Variants in TMCO2 observed in about 807,000 individuals in gnomAD.
The protein encoded by TMCO2 is transmembrane and coiled-coil domains 2, also known as transmembrane and coiled-coil domain-containing protein 2.
Under a neutral mutation model 18.0 loss-of-function variants are expected in TMCO2, and 15 were observed. The observed-to-expected ratio is 0.84, with a 90% confidence interval of 0.56 to 1.29. The LOEUF (loss-of-function observed/expected upper bound fraction) is 1.29, where lower values mean the gene tolerates loss of function less well. Among genes scored for constraint, TMCO2 ranks in the 50% most tolerant of loss-of-function variants. The pLI, the probability that TMCO2 is intolerant of heterozygous loss-of-function variation, is 0.00. For synonymous variants in TMCO2, 79 were observed against 75.9 expected, an observed-to-expected ratio of 1.04 and a Z score of -0.21; for missense variants, 182 against 200.9, an observed-to-expected ratio of 0.91 and a Z score of 0.57.
Position 40,248,130 on chromosome 1 carries a change from A to T in TMCO2, c.137A>T (p.Asn46Ile). The T allele has an allele frequency of 1.2e-6, 2 of 1,614,196 alleles. No individual in the cohort carries two copies. Among genetic ancestry groups the T allele is most frequent in the Middle Eastern group, 1.6e-4 (1 of 6,062 alleles). The change falls in exon 1 of 2, where the codon AAT becomes ATT. Residue 46 changes from asparagine to isoleucine, a missense_variant. Coordinates refer to ENST00000372766, the MANE Select transcript of TMCO2 (RefSeq NM_001008740.4). Reference sequence around the variant, plus strand: ...CAAACAAGTTTGGGACTATTAGATAATCTTGCTCCAGCTGTGCAAATCATC... The same window carrying T: ...CAAACAAGTTTGGGACTATTAGATATTCTTGCTCCAGCTGTGCAAATCATC... The part of the protein sequence containing the change: ...PQQTSLGLLD[N>I]LAPAVQIILR...
intron 1 of TMCO2, 96 bp downstream of exon 1, chr1:40,248,326 AT>A: frequency 1.9e-6 from 2 of 1,079,420 alleles, no homozygotes; most frequent in Non-Finnish European, 2.7e-6. Context: ...GATCATGCAG[AT>A]GTGCAAAGGC....
Position 40,251,516 on chromosome 1 carries a change from T to C in TMCO2, c.471T>C (p.Asp157=). The stretch of plus-strand genomic sequence containing the variant: ...CTCAAAAACCTGCCACGAAGAGGGA[T>C]TGCTCCTCTGAGCCCTACTGCAGCT... ...IVAQKPATKR[D]CSSEPYCSCS... Residue 157 remains aspartate, a synonymous_variant, in exon 2 of 2, where the codon GAT becomes GAC. Coordinates refer to ENST00000372766, the MANE Select transcript of TMCO2 (RefSeq NM_001008740.4). The C allele has an allele frequency of 6.2e-7, 1 of 1,614,002 alleles. No homozygotes were observed. The highest frequency in any genetic ancestry group is 1.3e-5 in the African/African-American group (1 of 75,044).
At chr1:40,250,748 T>A (rs1643375755) in intron 1 of TMCO2, among the ~76,000 whole-genome samples, 1 of 152,222 alleles carries the variant, frequency 6.6e-6, no homozygotes, top group Non-Finnish European at 1.5e-5. Context: ...TGGTTATCTA[T>A]TATTACAATC....
At position 40,251,529 on chromosome 1, in the gene TMCO2, C is replaced by T. The variant is rs1478009944; in HGVS notation, c.484C>T (p.Pro162Ser). The stretch of plus-strand genomic sequence containing the variant: ...CACGAAGAGGGATTGCTCCTCTGAG[C>T]CCTACTGCAGCTGCTCTGACTGCCA... ...PATKRDCSSE[P>S]YCSCSDCQSP... The change falls in exon 2 of 2, where the codon CCC (proline) becomes TCC (serine). Residue 162 changes from proline to serine, a missense_variant. Physicochemically the swap from Pro to Ser is moderately conservative, Grantham distance 74. Transcript: ENST00000372766. The T allele has an allele frequency of 1.9e-6, 3 of 1,613,906 alleles. No homozygotes were observed. The highest frequency in any genetic ancestry group is 2.5e-6 in the Non-Finnish European group (3 of 1,179,988).
rs751681843 is a variant in TMCO2 at position 40,251,306 on chromosome 1, A to T, written c.261A>T (p.Thr87=). Residue 87 remains threonine, a synonymous_variant, in exon 2 of 2, where the codon ACA becomes ACT. Transcript: ENST00000372766. ...SIQKTLLFVI[T]LYKLYKKGSH... ...AGAAAACATTGTTGTTTGTAATCACACTCTACAAACTTTACAAGAAGGGCT... is the reference window on the plus strand; with the variant it reads ...AGAAAACATTGTTGTTTGTAATCACTCTCTACAAACTTTACAAGAAGGGCT... The T allele has an allele frequency of 3.1e-6, 5 of 1,611,294 alleles. No individual in the cohort carries two copies. The highest frequency in any genetic ancestry group is 3.4e-5 in the Admixed American group (2 of 59,332).
In TMCO2 at chr1:40,248,085, G is replaced by C. The variant is rs1643352712; in HGVS notation, c.92G>C (p.Gly31Ala). 2 of 1,614,178 alleles carry C rather than the reference G, an allele frequency of 1.2e-6. No homozygotes were observed. Among genetic ancestry groups the C allele is most frequent in the Non-Finnish European group, 8.5e-7 (1 of 1,180,038 alleles). ...VWNWIQASFLGETSAPQQTSL... is the reference protein window; with the variant it reads ...VWNWIQASFLAETSAPQQTSL... ...AATTGGATACAAGCAAGTTTTTTGG[G>C]AGAGACTAGTGCACCTCAGCAAACA... Residue 31 changes from glycine (G) to alanine (A), a missense_variant, in exon 1 of 2, where the codon GGA becomes GCA. Physicochemically the swap from Gly to Ala is moderately conservative, Grantham distance 60 (BLOSUM62 0). Coordinates refer to ENST00000372766, the MANE Select transcript of TMCO2 (RefSeq NM_001008740.4).
chr1:40,248,054 G>A lies in TMCO2; in HGVS notation c.61G>A (p.Val21Ile). Reference protein sequence around the residue: ...NLLESLSLSTVWNWIQASFLG... With the variant: ...NLLESLSLSTIWNWIQASFLG... ...CTTAGAGTCTCTCTCTCTCAGCACA[G>A]TATGGAATTGGATACAAGCAAGTTT... The change falls in exon 1 of 2, where the codon GTA becomes ATA. Residue 21 changes from valine (V) to isoleucine (I), a missense_variant. Transcript: ENST00000372766. 1 of 1,614,200 alleles carries A rather than the reference G, an allele frequency of 6.2e-7. No homozygotes were observed.
rs111893397 is a variant in TMCO2 at position 40,249,312 on chromosome 1, C to A, written c.237+1082C>A. Among the ~76,000 whole-genome samples the A allele has an allele frequency of 7.5e-3, 1,073 of 143,294 alleles. 11 individuals are homozygous for A. The highest frequency in any genetic ancestry group is 0.027 in the African/African-American group (1,006 of 37,692). 94.0% of individuals were successfully genotyped at this position (143,294 alleles called of 152,430 possible). ...GTGTGTGTGTGTGTGTACGCGCATG[C>A]GCATATATATGTGTATTGTGAGGAT... On this transcript the variant is annotated intron_variant, in intron 1 of 1. Coordinates refer to ENST00000372766, the MANE Select transcript of TMCO2 (RefSeq NM_001008740.4).
chr1:40,250,490 C>T (rs1051085327), intron 1 of TMCO2, among the ~76,000 whole-genome samples: 14 of 151,984 alleles, frequency 9.2e-5, no homozygotes, highest in African/African-American at 3.4e-4. Context: ...TGCCATTGTA[C>T]CCAGATCTCT....
In TMCO2 at chr1:40,247,955, C is replaced by A; in HGVS notation, c.-39C>A. ...CTAACTCATATTTAGATTCCTGAAG[C>A]TTCTGCACATGTAGTTCCTAGAGCT... is the stretch of plus-strand genomic sequence containing the variant. On this transcript the variant is annotated 5_prime_UTR_variant, in exon 1 of 2. Transcript: ENST00000372766. 6.6e-7 allele frequency: 1 copy of A among 1,519,250 alleles called. No individual in the cohort carries two copies. The highest frequency in any genetic ancestry group is 9.1e-7 in the Non-Finnish European group (1 of 1,095,050). The allele number at this position is 1,519,250 out of a possible 1,614,324, so 94.1% of individuals were successfully genotyped here. A position where few individuals can be genotyped will look rare whatever the true frequency, so the allele number is the denominator to read the frequency against.
At chr1:40,248,953 C>T (rs1345142216) in intron 1 of TMCO2, among the ~76,000 whole-genome samples, 1 of 152,136 alleles carries the variant, frequency 6.6e-6, no homozygotes, top group Non-Finnish European at 1.5e-5. Context: ...TTGATAAATG[C>T]AGAGAGAAGT....
chr1:40,249,895 G>T (rs186764663), intron 1 of TMCO2, among the ~76,000 whole-genome samples: 3 of 151,942 alleles, frequency 2.0e-5, no homozygotes, highest in African/African-American at 7.2e-5. Context: ...GGCTGGTCTC[G>T]AACTCCTGAC....
chr1:40,250,965 G>A (rs191969048), intron 1 of TMCO2, among the ~76,000 whole-genome samples: 20 of 152,038 alleles, frequency 1.3e-4, no homozygotes, highest in East Asian at 3.9e-4. Flanking sequence ...GTGAAACCTC[G>A]TCTCTATTAA....
rs767668520 is a variant in TMCO2, at chr1:40,251,479, G to T, written c.434G>T (p.Gly145Val). ...GAAAACAAAATGAAGAACCTAGAAG[G>T]GATAATCGTTGCTCAAAAACCTGCC... ...TVENKMKNLE[G>V]IIVAQKPATK... The change falls in exon 2 of 2, where the codon GGG (glycine) becomes GTG (valine). Residue 145 changes from glycine (G) to valine (V), a missense_variant. By Grantham distance (109) the Gly-to-Val change is moderately radical. Transcript: ENST00000372766. 6.2e-7 allele frequency: 1 copy of T among 1,613,766 alleles called. No homozygotes were observed. Among genetic ancestry groups the T allele is most frequent in the Non-Finnish European group, 8.5e-7 (1 of 1,179,936 alleles).
Position 40,251,356 on chromosome 1 carries a change from C to A in TMCO2, c.311C>A (p.Ala104Asp), listed in dbSNP as rs1248093022. 1 of 1,614,006 alleles carries A rather than the reference C, an allele frequency of 6.2e-7. No individual in the cohort carries two copies. The highest frequency in any genetic ancestry group is 1.3e-5 in the African/African-American group (1 of 75,002). The change falls in exon 2 of 2, where the codon GCC (alanine) becomes GAC (aspartate). Residue 104 changes from alanine (A) to aspartate (D), a missense_variant. By Grantham distance (126) the Ala-to-Asp change is moderately radical (BLOSUM62 -2). Coordinates refer to ENST00000372766, the MANE Select transcript of TMCO2 (RefSeq NM_001008740.4). Reference protein sequence around the residue: ...KGSHIFEALLANPEGSGLRIQ... With the variant: ...KGSHIFEALLDNPEGSGLRIQ... ...TCACATATTTTTGAGGCTTTGCTAG[C>A]CAACCCAGAAGGAAGTGGTCTCCGA...
rs1211247712 is a variant in TMCO2 at position 40,251,333 on chromosome 1, A to G, written c.288A>G (p.Ser96=). 2.5e-6 allele frequency: 4 copies of G among 1,613,428 alleles called. No individual in the cohort carries two copies. The African/African-American group carries it at 5.3e-5, about 22-fold the overall frequency. ...ITLYKLYKKG[S]HIFEALLANP... ...TCTACAAACTTTACAAGAAGGGCTC[A>G]CATATTTTTGAGGCTTTGCTAGCCA... The change falls in exon 2 of 2, where the codon TCA becomes TCG. Residue 96 remains serine (S), a synonymous_variant. Transcript: ENST00000372766.
chr1:40,249,678 AT>A (rs1470573266), intron 1 of TMCO2, among the ~76,000 whole-genome samples: 2 of 150,736 alleles, frequency 1.3e-5, no homozygotes, highest in African/African-American at 4.9e-5. Flanking sequence ...TTTGTTATTT[AT>A]TTATTTATTT....
intron 1 of TMCO2, among the ~76,000 whole-genome samples, chr1:40,250,286 G>A (rs1448670768): frequency 6.6e-6 from 1 of 150,618 alleles, no homozygotes; most frequent in Non-Finnish European, 1.5e-5. Context: ...GGATGCAGTG[G>A]TCCACACCTA....
In TMCO2 at chr1:40,248,008, A is replaced by G. The variant is rs765276239; in HGVS notation, c.15A>G (p.Ser5=). MSTS[S]SSSWDNLLES... is the part of the protein sequence containing the mutation. ...TGCTTATTAAAATGTCAACATCTTC[A>G]TCTTCTAGCTGGGACAACCTCTTAG... Residue 5 remains serine (S), a synonymous_variant, in exon 1 of 2, where the codon TCA becomes TCG. Transcript: ENST00000372766. 5 of 1,614,024 alleles carry G rather than the reference A, an allele frequency of 3.1e-6. No individual in the cohort carries two copies. The highest frequency in any genetic ancestry group is 4.2e-6 in the Non-Finnish European group (5 of 1,179,926).
Sources: allele counts gnomAD v4.1 joint callset (sites outside exome capture counted in the v4.1 genomes callset), GRCh38; gene constraint gnomAD v4.1.1; transcripts MANE v1.5; gene names NCBI Gene and HGNC (gene_info 2026-07-23, HGNC 2026-07-21).